Variants in INAVA observed in about 807,000 individuals in gnomAD.
INAVA encodes the protein innate immunity activator.
In INAVA, 32 loss-of-function variants were observed where a neutral mutation model predicts 55.3. That is an observed-to-expected ratio of 0.58 (90% confidence interval 0.44 to 0.78). INAVA has a LOEUF of 0.78. INAVA is among the 30% of genes least tolerant of loss of function. The probability of loss-of-function intolerance (pLI) is 0.00; values close to 1 mark genes in which losing one functional copy is unlikely to be tolerated. For missense variants in INAVA, 756 were observed against 786.4 expected, an observed-to-expected ratio of 0.96 and a Z score of 0.46; for synonymous variants, 294 against 329.4, an observed-to-expected ratio of 0.89 and a Z score of 1.16.
intron 5 of INAVA, among the ~76,000 whole-genome samples, chr1:200,902,504 G>A (rs993611061): frequency 6.6e-6 from 1 of 152,246 alleles, no homozygotes; most frequent in Non-Finnish European, 1.5e-5. Flanking sequence ...ACCTCTGTCC[G>A]GTTCCAGTGG....
intron 3 of INAVA, among the ~76,000 whole-genome samples, 192 bp from the exon 4 acceptor site, chr1:200,899,912 G>A (rs992139682): frequency 1.3e-5 from 2 of 152,178 alleles, no homozygotes; most frequent in East Asian, 1.9e-4. Context: ...ATCAGAAAGA[G>A]GTCTGAAGGG....
At chr1:200,911,147 TA>T (rs1215514659) in intron 8 of INAVA, among the ~76,000 whole-genome samples, 1 of 149,778 alleles carries the variant, frequency 6.7e-6, no homozygotes, top group Non-Finnish European at 1.5e-5. Flanking sequence ...AAAAAGTACT[TA>T]ATGTAGTACT....
At chr1:200,896,499 C>T in intron 1 of INAVA, among the ~76,000 whole-genome samples, 1 of 152,110 alleles carries the variant, frequency 6.6e-6, no homozygotes, top group Non-Finnish European at 1.5e-5. Context: ...AATATATGGC[C>T]AATCTTTCAG....
upstream of INAVA, chr1:200,891,590 G>T (rs759395684): frequency 3.2e-6 from 5 of 1,583,260 alleles, no homozygotes; most frequent in Non-Finnish European, 4.3e-6. Context: ...AGGGCAGGCC[G>T]CAGGGAGGCT....
Position 200,913,584 on chromosome 1 carries a change from G to A in INAVA, c.1692G>A (p.Val564=), listed in dbSNP as rs1653836037. The change falls in exon 10 of 10, where the codon GTG becomes GTA. Residue 564 remains valine, a synonymous_variant. Transcript: ENST00000413687. ...VLRRSPDGAP[V]QVFVPEKGEI... ...GGAGATCGCCTGATGGGGCCCCTGT[G>A]CAAGTCTTTGTACCTGAAAAAGGAG... 1.2e-6 allele frequency: 2 copies of A among 1,614,020 alleles called. No homozygotes were observed. The highest frequency in any genetic ancestry group is 1.7e-5 in the Admixed American group (1 of 60,000).
chr1:200,913,725 G>A lies in INAVA; in HGVS notation c.*96G>A, dbSNP rs1210399996. On this transcript the variant is annotated 3_prime_UTR_variant, in exon 10 of 10. Coordinates refer to ENST00000413687, the MANE Select transcript of INAVA (RefSeq NM_001142569.3). ...CTCTTTCAGCTCCCCCATCCCCATC[G>A]CAGGCCGATGACCTGGAGCTGAGAC... 13 of 963,086 alleles carry A rather than the reference G, an allele frequency of 1.3e-5. No homozygotes were observed. The highest frequency in any genetic ancestry group is 2.5e-5 in the East Asian group (1 of 40,686). The allele number at this position is 963,086 out of a possible 1,614,324, so 59.7% of individuals were successfully genotyped here. A position where few individuals can be genotyped will look rare whatever the true frequency, so the allele number is the denominator to read the frequency against.
At chr1:200,900,243 C>T (rs1212007204) in intron 4 of INAVA, 23 bp downstream of exon 4, 2 of 1,596,398 alleles carry the variant, frequency 1.3e-6, no homozygotes, top group Non-Finnish European at 1.7e-6. Context: ...AGGAAGCTGC[C>T]AGTACCCCTC....
At chr1:200,899,449 G>C in intron 2 of INAVA, 24 bp from the exon 3 acceptor site, 1 of 1,613,402 alleles carries the variant, frequency 6.2e-7, no homozygotes, top group South Asian at 1.1e-5. Context: ...GCCTCCCTGA[G>C]CATGTGCCCC....
At position 200,908,931 on chromosome 1, in the gene INAVA, G is replaced by A; in HGVS notation, c.776G>A (p.Ser259Asn). 2.5e-6 allele frequency: 4 copies of A among 1,612,838 alleles called. No homozygotes were observed. The highest frequency in any genetic ancestry group is 1.7e-4 in the Middle Eastern group (1 of 6,024). Residue 259 changes from serine (S) to asparagine (N), a missense_variant, in exon 7 of 10, where the codon AGC becomes AAC. Physicochemically the swap from Ser to Asn is conservative, Grantham distance 46. Transcript: ENST00000413687. ...EKPRKSSEPW[S>N]ESSSPATTPQ... ...CCCAGGAAGTCTTCTGAGCCCTGGA[G>A]CGAGTCCAGGTCAGGATCAGGGGGA...
upstream of INAVA, among the ~76,000 whole-genome samples, chr1:200,894,044 G>A (rs1476341408): frequency 2.0e-5 from 3 of 152,116 alleles, no homozygotes; most frequent in Admixed American, 6.5e-5. Context: ...CTCTGCTTCC[G>A]CCTTGAAATA....
Position 200,907,829 on chromosome 1 carries a change from C to T in INAVA, c.521-5C>T, listed in dbSNP as rs989490459. 1.2e-5 allele frequency: 20 copies of T among 1,609,742 alleles called. No homozygotes were observed. The highest frequency in any genetic ancestry group is 1.7e-5 in the Admixed American group (1 of 59,934). ...CTTCTCTTCTCTCCCCTTTGTCTTTCGCAGAGCTCAGTGCCTCTGATGACA... is the reference window on the plus strand; with the variant it reads ...CTTCTCTTCTCTCCCCTTTGTCTTTTGCAGAGCTCAGTGCCTCTGATGACA... On this transcript the variant is annotated splice_polypyrimidine_tract_variant and splice_region_variant and intron_variant, in intron 5 of 9. Transcript: ENST00000413687.
chr1:200,902,526 C>A (rs1047856164), intron 5 of INAVA, among the ~76,000 whole-genome samples: 4 of 152,236 alleles, frequency 2.6e-5, no homozygotes, highest in African/African-American at 9.6e-5. Context: ...TCTGGCTTGG[C>A]CGCAGAACAA....
chr1:200,894,660 C>A (rs1329135665), upstream of INAVA, among the ~76,000 whole-genome samples: 2 of 152,132 alleles, frequency 1.3e-5, no homozygotes, highest in African/African-American at 4.8e-5. Context: ...TACCTCACAG[C>A]TCAGAATGTT....
intron 5 of INAVA, among the ~76,000 whole-genome samples, chr1:200,905,688 CA>C (rs1022075331): frequency 6.6e-6 from 1 of 152,228 alleles, no homozygotes; most frequent in Non-Finnish European, 1.5e-5. Context: ...AGTGCTAAAA[CA>C]GCCAGACATT....
At chr1:200,909,164 C>G in intron 7 of INAVA, 60 bp from the exon 8 acceptor site, 1 of 1,466,344 alleles carries the variant, frequency 6.8e-7, no homozygotes, top group Non-Finnish European at 9.1e-7. Context: ...TTCTTCTGCA[C>G]CTCTTGAGCC....
intron 2 of INAVA, among the ~76,000 whole-genome samples, chr1:200,898,914 G>T (rs1446799298): frequency 2.6e-5 from 4 of 152,180 alleles, no homozygotes; most frequent in African/African-American, 9.7e-5. Flanking sequence ...GGGAGGCGGA[G>T]GTTGCAGTGA....
At chr1:200,913,091 C>T (rs780359005) in intron 9 of INAVA, among the ~76,000 whole-genome samples, 1 of 152,202 alleles carries the variant, frequency 6.6e-6, no homozygotes, top group Admixed American at 6.5e-5. Flanking sequence ...GACCCAGCTG[C>T]GTGTCCCTCC....
At chr1:200,908,135 C>T (rs1480589727) in intron 6 of INAVA, 1 of 423,066 alleles carries the variant, frequency 2.4e-6, no homozygotes, top group East Asian at 3.7e-5. Context: ...AGGTGAACTC[C>T]AAGAGAGCTG....
chr1:200,908,545 A>T, intron 6 of INAVA, 185 bp from the exon 7 acceptor site: 1 of 526,212 alleles, frequency 1.9e-6, no homozygotes, highest in Non-Finnish European at 3.3e-6. Flanking sequence ...GCTGTGTGGG[A>T]AGAAGTAAGT....
Sources: allele counts gnomAD v4.1 joint callset (sites outside exome capture counted in the v4.1 genomes callset), GRCh38; gene constraint gnomAD v4.1.1; transcripts MANE v1.5; gene names NCBI Gene and HGNC (gene_info 2026-07-23, HGNC 2026-07-21).